SPEN: variants seen among roughly 807,000 people sequenced by gnomAD.
The protein encoded by SPEN is msx2-interacting protein.
Under a neutral mutation model 269.9 loss-of-function variants are expected in SPEN, and 18 were observed. The observed-to-expected ratio is 0.07, with a 90% CI of 0.05 to 0.10. The LOEUF is 0.10. SPEN is among the 10% of genes least tolerant of loss of function. The pLI is 1.00. For synonymous variants in SPEN, 1,726 were observed against 1,765.7 expected (o/e 0.98, Z 0.56); for missense variants, 3,822 against 4,631.2 (o/e 0.83, Z 5.07).
At chr1:15,900,878 ACC>A (rs2148723864) in intron 3 of SPEN, among the ~76,000 whole-genome samples, 1 of 151,296 alleles carries the variant, frequency 6.6e-6, no homozygotes, top group African/African-American at 2.4e-5. Context: ...ACCCTACCCC[ACC>A]CCACCCCCAC....
Position 15,848,166 on chromosome 1 carries a change from C to T in SPEN, c.83+16C>T. ...ATTTCAAACGGTGAGTGACACGAGG[C>T]CCGCGGCCGCGCTCGCTCCTCGGGC... On this transcript the variant is annotated intron_variant, in intron 1 of 14. Transcript: ENST00000375759. This position sits in a 1 kb window ranked among gnomAD's most constrained non-coding sequence, Gnocchi z 5.1. 1 of 1,443,126 alleles carries T rather than the reference C, an allele frequency of 6.9e-7. No homozygotes were observed. The highest frequency in any genetic ancestry group is 1.3e-5 in the South Asian group (1 of 74,912). The allele number at this position is 1,443,126 out of a possible 1,614,324, so 89.4% of individuals were successfully genotyped here. A position where few individuals can be genotyped will look rare whatever the true frequency, so the allele number is the denominator to read the frequency against.
At position 15,932,262 on chromosome 1, in the gene SPEN, G is replaced by T. The variant is rs1381137951; in HGVS notation, c.6022G>T (p.Ala2008Ser). Reference sequence around the variant, plus strand: ...GGGAAAAAATGAACCGAAGGTGGATGCTACACGTCCTGAGGCCACCACTGA... The same window carrying T: ...GGGAAAAAATGAACCGAAGGTGGATTCTACACGTCCTGAGGCCACCACTGA... ...KKGKNEPKVD[A>S]TRPEATTEVG... The change falls in exon 11 of 15, where the codon GCT becomes TCT. Residue 2008 changes from alanine (A) to serine (S), a missense_variant. By Grantham distance (99) the Ala-to-Ser change is moderately conservative. Around this residue, in one of 16 missense-constraint regions of SPEN, gnomAD observed 727 missense variants for 737.9 expected, o/e 0.99. Coordinates refer to ENST00000375759, the MANE Select transcript of SPEN (RefSeq NM_015001.3). This position sits in a 1 kb window ranked among gnomAD's most constrained non-coding sequence, Gnocchi z 4.2. The T allele has an allele frequency of 6.2e-7, 1 of 1,611,080 alleles. No homozygotes were observed.
intron 9 of SPEN, among the ~76,000 whole-genome samples, chr1:15,921,262 G>A (rs575639792): frequency 6.6e-6 from 1 of 152,286 alleles, no homozygotes; most frequent in East Asian, 1.9e-4. Flanking sequence ...CCCAGGAGGC[G>A]GAGGTTGCAG....
intron 1 of SPEN, among the ~76,000 whole-genome samples, chr1:15,860,417 G>GTA (rs1436328487): frequency 2.9e-5 from 4 of 137,538 alleles, no homozygotes; most frequent in Non-Finnish European, 6.2e-5. Context: ...GTGTGTGTGT[G>GTA]TATGTGTAGC....
At chr1:15,900,760 A>G (rs1253950650) in intron 3 of SPEN, among the ~76,000 whole-genome samples, 4 of 152,190 alleles carry the variant, frequency 2.6e-5, no homozygotes, top group Non-Finnish European at 5.9e-5. Flanking sequence ...AGTCCAAGAA[A>G]TAATACAGGC....
chr1:15,899,206 T>A (rs2070874036), intron 3 of SPEN, among the ~76,000 whole-genome samples: 1 of 152,168 alleles, frequency 6.6e-6, no homozygotes, highest in African/African-American at 2.4e-5. Context: ...GATCTCACTT[T>A]GTCATCTAGG....
chr1:15,931,042 A>G lies in SPEN; in HGVS notation c.4802A>G (p.Asp1601Gly), dbSNP rs776807791. Residue 1601 changes from aspartate (D) to glycine (G), a missense_variant, in exon 11 of 15, where the codon GAC becomes GGC. Transcript: ENST00000375759. The surrounding 1 kb of genome is among the most constrained non-coding windows in gnomAD (Gnocchi z 4.8). The part of the protein sequence containing the change: ...TRMQQKEKEK[D>G]QKPKEVEKQE... ...ATGCAACAGAAAGAAAAAGAAAAAGACCAGAAACCCAAAGAGGTTGAGAAA... is the reference window on the plus strand; with the variant it reads ...ATGCAACAGAAAGAAAAAGAAAAAGGCCAGAAACCCAAAGAGGTTGAGAAA... The G allele has an allele frequency of 6.2e-6, 10 of 1,613,454 alleles. No homozygotes were observed. In the Admixed American group the frequency reaches 1.7e-4, roughly 27 times the overall value.
rs1391712248 is a variant in SPEN at position 15,856,435 on chromosome 1, G to A, written c.83+8285G>A. On this transcript the variant is annotated intron_variant, in intron 1 of 14. Coordinates refer to ENST00000375759, the MANE Select transcript of SPEN (RefSeq NM_015001.3). Reference sequence around the variant, plus strand: ...AACTATAATATAGAGAAAACTAATAGTAGTTGTGATTTTCGTCACCAATAC... The same window carrying A: ...AACTATAATATAGAGAAAACTAATAATAGTTGTGATTTTCGTCACCAATAC... 2.0e-5 allele frequency among the ~76,000 whole-genome samples: 3 copies of A among 151,892 alleles called. No individual in the cohort carries two copies. The East Asian group carries it at 5.8e-4, about 29-fold the overall frequency.
At chr1:15,904,883 G>GTC (rs939274029) in intron 3 of SPEN, among the ~76,000 whole-genome samples, 3 of 150,768 alleles carry the variant, frequency 2.0e-5, no homozygotes, top group Admixed American at 6.6e-5. Context: ...GATTATCTTT[G>GTC]TCTCTCTCTT....
chr1:15,920,870 G>T lies in SPEN; in HGVS notation c.1636G>T (p.Val546Leu). 6.3e-7 allele frequency: 1 copy of T among 1,588,020 alleles called. No homozygotes were observed. Among genetic ancestry groups the T allele is most frequent in the Non-Finnish European group, 8.6e-7 (1 of 1,164,962 alleles). The change falls in exon 9 of 15, where the codon GTG becomes TTG. Residue 546 changes from valine to leucine, a missense_variant and splice_region_variant. Transcript: ENST00000375759. The part of the protein sequence containing the change: ...HFCRYGPVVK[V>L]VFDRLKGMAL... ...TGTTTTTTGTTTGTTTGTTTTACAG[G>T]TGGTGTTTGACCGCTTAAAAGGCAT... is the stretch of plus-strand genomic sequence containing the variant.
Position 15,939,947 on chromosome 1 carries a change from C to G in SPEN, c.*520C>G, listed in dbSNP as rs1364443600. On this transcript the variant is annotated 3_prime_UTR_variant, in exon 15 of 15. Transcript: ENST00000375759. The surrounding 1 kb of genome is among the most constrained non-coding windows in gnomAD (Gnocchi z 4.1). ...CATTTCATTGGTTTTTTTTGTCCAC[C>G]CCCATCTCCCTTGCTCATTTGGATG... is the stretch of plus-strand genomic sequence containing the variant. The G allele has an allele frequency of 4.3e-6, 1 of 232,792 alleles. No homozygotes were observed. The highest frequency in any genetic ancestry group is 2.2e-5 in the African/African-American group (1 of 45,164). 14.4% of individuals were successfully genotyped at this position (232,792 alleles called of 1,614,324 possible). A position where few individuals can be genotyped will look rare whatever the true frequency, so the allele number is the denominator to read the frequency against.
chr1:15,934,867 G>T lies in SPEN; in HGVS notation c.8627G>T (p.Gly2876Val). The T allele has an allele frequency of 6.2e-7, 1 of 1,614,124 alleles. No homozygotes were observed. The highest frequency in any genetic ancestry group is 8.5e-7 in the Non-Finnish European group (1 of 1,180,024). ...PPSKGPQAPA[G>V]YANVATHSTL... ...TCCAAAGGCCCTCAAGCTCCTGCAGGCTATGCGAACGTGGCCACCCATTCC... is the reference window on the plus strand; with the variant it reads ...TCCAAAGGCCCTCAAGCTCCTGCAGTCTATGCGAACGTGGCCACCCATTCC... The change falls in exon 11 of 15, where the codon GGC (glycine) becomes GTC (valine). Residue 2876 changes from glycine to valine, a missense_variant. Coordinates refer to ENST00000375759, the MANE Select transcript of SPEN (RefSeq NM_015001.3). The surrounding 1 kb of genome is among the most constrained non-coding windows in gnomAD (Gnocchi z 9.2).
chr1:15,859,363 T>C (rs10927869), intron 1 of SPEN, among the ~76,000 whole-genome samples: 9,181 of 145,380 alleles, frequency 0.063, 355 homozygotes, highest in South Asian at 0.16. Context: ...CTTTTCTTTT[T>C]TTTTTTTTTT....
At position 15,937,909 on chromosome 1, in the gene SPEN, G is replaced by T; in HGVS notation, c.10607G>T (p.Arg3536Leu). Residue 3536 changes from arginine (R) to leucine (L), a missense_variant, in exon 13 of 15, where the codon CGG becomes CTG. Physicochemically the swap from Arg to Leu is moderately radical, Grantham distance 102. This residue lies in a region of SPEN where 103 missense variants were observed against 215.8 expected (regional missense o/e 0.48). Coordinates refer to ENST00000375759, the MANE Select transcript of SPEN (RefSeq NM_015001.3). The surrounding 1 kb of genome is among the most constrained non-coding windows in gnomAD (Gnocchi z 5.7). ...FVSGNNVLAH[R>L]SLPLSEGGPP... The stretch of plus-strand genomic sequence containing the variant: ...TCTGGCAACAACGTCCTGGCCCATC[G>T]GTCCCTGCCCCTTTCTGAAGGAGGG... The T allele has an allele frequency of 6.2e-7, 1 of 1,614,156 alleles. No homozygotes were observed. The highest frequency in any genetic ancestry group is 8.5e-7 in the Non-Finnish European group (1 of 1,180,028).
In SPEN at chr1:15,939,459, TCC is replaced by T; in HGVS notation, c.*34_*35del. 6.6e-7 allele frequency: 1 copy of T among 1,525,140 alleles called. No homozygotes were observed. The highest frequency in any genetic ancestry group is 8.8e-7 in the Non-Finnish European group (1 of 1,131,820). The allele number at this position is 1,525,140 out of a possible 1,614,324, so 94.5% of individuals were successfully genotyped here. A position where few individuals can be genotyped will look rare whatever the true frequency, so the allele number is the denominator to read the frequency against. On this transcript the variant is annotated 3_prime_UTR_variant, in exon 15 of 15. Transcript: ENST00000375759. This position sits in a 1 kb window ranked among gnomAD's most constrained non-coding sequence, Gnocchi z 4.1. ...GAGTGGTTATCACCTCAGTGAATCT[TCC>T]CAGGGCTCTGCAGTAAAAACAAAGG... is the stretch of plus-strand genomic sequence containing the variant.
chr1:15,922,397 A>G, intron 10 of SPEN, 48 bp downstream of exon 10: 1 of 1,309,994 alleles, frequency 7.6e-7, no homozygotes, highest in African/African-American at 1.5e-5. Context: ...AATAGTTTTA[A>G]TACAGAAACT....
intron 3 of SPEN, among the ~76,000 whole-genome samples, chr1:15,880,166 C>T (rs530021889): frequency 1.1e-4 from 17 of 152,194 alleles, no homozygotes; most frequent in South Asian, 8.3e-4. Context: ...ACCTTCTTAC[C>T]GTGGGCTTGG....
chr1:15,884,302 C>A (rs974702599), intron 3 of SPEN, among the ~76,000 whole-genome samples: 2 of 152,110 alleles, frequency 1.3e-5, no homozygotes, highest in Non-Finnish European at 2.9e-5. Flanking sequence ...TAGTTTCTTT[C>A]CTAGAGGGGG....
At chr1:15,870,388 A>T (rs2070561229) in intron 1 of SPEN, among the ~76,000 whole-genome samples, 1 of 152,202 alleles carries the variant, frequency 6.6e-6, no homozygotes, top group African/African-American at 2.4e-5. Context: ...TTTTTCTCCC[A>T]TAGCAGGATT....
Sources: gnomAD v4.1 joint callset for allele counts (sites outside exome capture counted in the v4.1 genomes callset) on GRCh38, gnomAD v4.1.1 for gene constraint, gnomAD v4.1.1 regional missense constraint, Gnocchi (gnomAD v3.1) non-coding constraint, MANE v1.5 for transcripts, NCBI Gene and HGNC (gene_info 2026-07-23, HGNC 2026-07-21) for gene names.